AVEN: variants seen among roughly 807,000 people sequenced by gnomAD.
AVEN encodes the protein apoptosis and caspase activation inhibitor, also known as cell death regulator Aven.
Under a neutral mutation model 38.1 loss-of-function variants are expected in AVEN, and 41 were observed. That is an observed-to-expected ratio of 1.08 (90% CI 0.84 to 1.40). AVEN has a LOEUF of 1.40. Among genes scored for constraint, AVEN ranks in the 40% most tolerant of loss-of-function variants. The pLI is 0.00. For missense variants in AVEN, 605 were observed against 438.8 expected (o/e 1.38, Z -3.38); for synonymous variants, 206 against 171.8 (o/e 1.20, Z -1.56).
chr15:33,857,976 T>C, downstream of AVEN: 1 of 1,600,848 alleles, frequency 6.2e-7, no homozygotes, highest in Admixed American at 1.7e-5. Context: ...CCCCACCACC[T>C]CACTGGGAAG....
intron 11 of AVEN, among the ~76,000 whole-genome samples, chr15:33,860,377 G>C (rs1274194321): frequency 6.6e-6 from 1 of 152,192 alleles, no homozygotes; most frequent in African/African-American, 2.4e-5. Context: ...GGAGCAAGTA[G>C]TTAACAGCAC....
intron 2 of AVEN, among the ~76,000 whole-genome samples, chr15:33,952,271 T>C (rs1157474363): frequency 1.3e-5 from 2 of 152,152 alleles, no homozygotes; most frequent in African/African-American, 4.8e-5. Context: ...TTCAAAGGTA[T>C]AGATAGAGGG....
At chr15:33,944,033 C>G (rs1026362990) in intron 2 of AVEN, among the ~76,000 whole-genome samples, 7 of 152,018 alleles carry the variant, frequency 4.6e-5, no homozygotes, top group African/African-American at 1.7e-4. Context: ...CACACCTGGC[C>G]TAGTCACAAT....
At chr15:33,885,540 T>C (rs1241560096) in intron 2 of AVEN, 9 of 152,196 alleles carry the variant, frequency 5.9e-5, no homozygotes, top group African/African-American at 2.2e-4. Flanking sequence ...TTTTAAAAGT[T>C]AGGCTGAGCT....
chr15:34,001,319 G>C (rs919089554), intron 2 of AVEN, among the ~76,000 whole-genome samples: 4 of 152,270 alleles, frequency 2.6e-5, no homozygotes, highest in Admixed American at 2.6e-4. Context: ...ACCATGCCCA[G>C]CCTGGACTAG....
At chr15:33,992,692 G>A (rs943645353) in intron 2 of AVEN, among the ~76,000 whole-genome samples, 1 of 152,092 alleles carries the variant, frequency 6.6e-6, no homozygotes, top group Non-Finnish European at 1.5e-5. Context: ...GAATCAATGA[G>A]GACAAATAAA....
intron 2 of AVEN, among the ~76,000 whole-genome samples, chr15:33,884,726 G>C (rs1891635035): frequency 6.6e-6 from 1 of 152,148 alleles, no homozygotes; most frequent in African/African-American, 2.4e-5. Flanking sequence ...AAGCTATCCA[G>C]TGAGAGTTCA....
Position 33,866,476 on chromosome 15 carries a change from C to T in AVEN, c.*137G>A. On this transcript the variant is annotated 3_prime_UTR_variant, in exon 6 of 6. Coordinates refer to ENST00000306730, the MANE Select transcript of AVEN (RefSeq NM_020371.3). The stretch of plus-strand genomic sequence containing the variant: ...TTCAGATGTCAAACACAGAGGTAGG[C>T]ATTTACTGCTGTGAGCATAATGGAA... 1.6e-6 allele frequency: 1 copy of T among 622,794 alleles called. No individual in the cohort carries two copies. The highest frequency in any genetic ancestry group is 2.0e-5 in the South Asian group (1 of 49,674). 38.6% of individuals were successfully genotyped at this position (622,794 alleles called of 1,614,324 possible). A position where few individuals can be genotyped will look rare whatever the true frequency, so the allele number is the denominator to read the frequency against.
intron 2 of AVEN, among the ~76,000 whole-genome samples, chr15:33,921,941 G>A (rs1893412598): frequency 6.6e-6 from 1 of 152,138 alleles, no homozygotes; most frequent in Non-Finnish European, 1.5e-5. Flanking sequence ...GCGGAGGGTG[G>A]GGAGGGGTCT....
intron 1 of AVEN, among the ~76,000 whole-genome samples, chr15:34,024,854 C>A (rs1248189842): frequency 9.0e-6 from 1 of 111,194 alleles, no homozygotes; most frequent in Non-Finnish European, 2.3e-5. Flanking sequence ...AAGCAAGACT[C>A]CTTCTCAAAA....
At chr15:33,931,432 A>T (rs889509860) in intron 2 of AVEN, among the ~76,000 whole-genome samples, 2 of 126,648 alleles carry the variant, frequency 1.6e-5, no homozygotes, top group Admixed American at 1.1e-4. Context: ...GTGCAGTGGC[A>T]CAATCTCGGC....
intron 1 of AVEN, among the ~76,000 whole-genome samples, chr15:34,071,941 A>G (rs761015412): frequency 7.9e-5 from 12 of 152,192 alleles, no homozygotes; most frequent in Non-Finnish European, 1.8e-4. Context: ...TATATTCACT[A>G]TATGTAATAA....
At chr15:33,874,305 T>C (rs1891131926) in intron 3 of AVEN, among the ~76,000 whole-genome samples, 1 of 152,156 alleles carries the variant, frequency 6.6e-6, no homozygotes. Flanking sequence ...AGATCTAGAA[T>C]TCACACTCAG....
intron 2 of AVEN, among the ~76,000 whole-genome samples, chr15:33,954,389 C>T (rs1209229745): frequency 2.0e-5 from 3 of 152,164 alleles, no homozygotes; most frequent in African/African-American, 7.2e-5. Context: ...ATAGCAAAGA[C>T]TTGGAACCAA....
rs149510625 is a variant in AVEN, at chr15:34,071,393, C to A, written n.721-742G>T. Among the ~76,000 whole-genome samples, 473 of 152,270 alleles carry A rather than the reference C, an allele frequency of 3.1e-3. 2 individuals are homozygous for A. Among genetic ancestry groups the A allele is most frequent in the African/African-American group, 0.011 (441 of 41,544 alleles). On this transcript the variant is annotated intron_variant and non_coding_transcript_variant, in intron 1 of 11. Coordinates refer to the AVEN transcript ENST00000675287. ...GGCTCAAGTGATACTTCTGCCTCAG[C>A]CTCCCAAGTAGCTGGGACTACAGGT... is the stretch of plus-strand genomic sequence containing the variant.
At chr15:33,860,987 C>T in intron 11 of AVEN, 2 of 1,046,982 alleles carry the variant, frequency 1.9e-6, no homozygotes, top group South Asian at 1.4e-5. Flanking sequence ...AGAAAGTTTT[C>T]ATTATCCTTC....
At chr15:33,874,728 T>A (rs900312191) in intron 3 of AVEN, among the ~76,000 whole-genome samples, 1 of 152,254 alleles carries the variant, frequency 6.6e-6, no homozygotes, top group Non-Finnish European at 1.5e-5. Flanking sequence ...TCACTTTGAA[T>A]AAGCTCCATT....
intron 1 of AVEN, among the ~76,000 whole-genome samples, chr15:34,031,168 A>ATTTTTTTTTTTTTTTTTTTTT (rs34414446): frequency 1.5e-5 from 1 of 67,590 alleles, no homozygotes; most frequent in Non-Finnish European, 2.5e-5. Flanking sequence ...GCTTAGGTTA[A>ATTTTTTTTTTTTTTTTTTTTT]TTTTTTTTTT....
At chr15:33,917,351 G>GGTGTGTGTGT (rs148147589) in intron 2 of AVEN, among the ~76,000 whole-genome samples, 672 of 140,336 alleles carry the variant, frequency 4.8e-3, no homozygotes, top group South Asian at 6.5e-3. Context: ...AAGAAAATGT[G>GGTGTGTGTGT]GTGTGTGTGT....
Sources: gnomAD v4.1 joint callset for allele counts (sites outside exome capture counted in the v4.1 genomes callset) on GRCh38, gnomAD v4.1.1 for gene constraint, MANE v1.5 for transcripts, NCBI Gene and HGNC (gene_info 2026-07-23, HGNC 2026-07-21) for gene names.